Variants in SEC23A observed in about 807,000 individuals in gnomAD.
SEC23A encodes the protein protein transport protein Sec23A.
Under a neutral mutation model 103.7 loss-of-function variants are expected in SEC23A, and 56 were observed. That is an observed-to-expected ratio of 0.54 (90% CI 0.44 to 0.67). SEC23A has a LOEUF of 0.67. SEC23A is among the 30% of genes least tolerant of loss of function. The pLI is 0.00. For synonymous variants in SEC23A, 281 were observed against 293.0 expected, an observed-to-expected ratio of 0.96 and a Z score of 0.42; for missense variants, 784 against 936.4, an observed-to-expected ratio of 0.84 and a Z score of 2.12.
At chr14:39,043,683 G>A (rs1447616253) in intron 16 of SEC23A, among the ~76,000 whole-genome samples, 2 of 152,158 alleles carry the variant, frequency 1.3e-5, no homozygotes, top group African/African-American at 2.4e-5. Context: ...GTCTGAAAGG[G>A]AAAAGCTAGC....
chr14:39,101,573 A>G (rs1888097119), intron 1 of SEC23A, among the ~76,000 whole-genome samples: 1 of 152,008 alleles, frequency 6.6e-6, no homozygotes, highest in South Asian at 2.1e-4. Flanking sequence ...CAGTGAGCCG[A>G]AATCGTTCCA....
intron 12 of SEC23A, 73 bp downstream of exon 12, chr14:39,063,251 A>T: frequency 2.6e-4 from 191 of 731,608 alleles, no homozygotes; most frequent in Non-Finnish European, 4.5e-4. Context: ...AATATGAACT[A>T]TTCATGGCCT....
chr14:39,093,179 TTTC>T lies in SEC23A; in HGVS notation c.279+5_279+7del. ...ACTGCGCCCGGCATGCAATGGATGTTTTCTTACCTGATTCCTTTGGTAACAAAA... is the reference window on the plus strand; with the variant it reads ...ACTGCGCCCGGCATGCAATGGATGTTTTACCTGATTCCTTTGGTAACAAAA... On this transcript the variant is annotated splice_donor_5th_base_variant and intron_variant, in intron 3 of 19. Transcript: ENST00000307712. 1 of 1,612,510 alleles carries T rather than the reference TTTC, an allele frequency of 6.2e-7. No individual in the cohort carries two copies. The highest frequency in any genetic ancestry group is 8.5e-7 in the Non-Finnish European group (1 of 1,179,586).
intron 9 of SEC23A, among the ~76,000 whole-genome samples, chr14:39,071,112 G>C (rs916333109): frequency 6.6e-6 from 1 of 152,146 alleles, no homozygotes; most frequent in Non-Finnish European, 1.5e-5. Context: ...TTTTAATCCT[G>C]TACTGGACAT....
intron 17 of SEC23A, among the ~76,000 whole-genome samples, chr14:39,041,945 A>C (rs762949653): frequency 4.6e-5 from 7 of 152,036 alleles, no homozygotes; most frequent in Admixed American, 1.3e-4. Context: ...ATTACAGTAC[A>C]AATCTTTTCT....
intron 16 of SEC23A, among the ~76,000 whole-genome samples, chr14:39,044,013 T>C (rs555325254): frequency 1.3e-5 from 2 of 151,904 alleles, no homozygotes; most frequent in South Asian, 2.1e-4. Context: ...GCGTGGGTCA[T>C]GGTGGGGGTG....
chr14:39,067,629 T>C (rs1886714220), intron 9 of SEC23A, among the ~76,000 whole-genome samples: 1 of 151,618 alleles, frequency 6.6e-6, no homozygotes, highest in African/African-American at 2.4e-5. Context: ...GTTCTCCATA[T>C]TGGTAAAGGT....
At chr14:39,088,013 G>T (rs1365671378) in intron 5 of SEC23A, 3 of 151,960 alleles carry the variant, frequency 2.0e-5, no homozygotes, top group East Asian at 3.9e-4. Context: ...GCTCTATAAG[G>T]GTTTACACCA....
intron 1 of SEC23A, among the ~76,000 whole-genome samples, chr14:39,099,453 C>T (rs1240307940): frequency 6.6e-6 from 1 of 152,066 alleles, no homozygotes; most frequent in Non-Finnish European, 1.5e-5. Context: ...GCACCGCTCC[C>T]CGCCATTAAA....
In SEC23A at chr14:39,094,426, ATATATATATATATATATTTTT is replaced by A. The variant is rs1887805370; in HGVS notation, c.222-1203_222-1183del. Reference sequence around the variant, plus strand: ...TATATATATATATATATATATATATATATATATATATATATATTTTTTTTTTTTTTTTTTCCCCTCCTGTAG... The same window carrying A: ...TATATATATATATATATATATATATATTTTTTTTTTTTTCCCCTCCTGTAG... On this transcript the variant is annotated intron_variant, in intron 2 of 19. Coordinates refer to ENST00000307712, the MANE Select transcript of SEC23A (RefSeq NM_006364.4). Among the ~76,000 whole-genome samples the A allele has an allele frequency of 5.0e-4, 25 of 49,678 alleles. 5 individuals are homozygous for A. Among genetic ancestry groups the A allele is most frequent in the African/African-American group, 3.1e-3 (20 of 6,480 alleles). 32.6% of individuals were successfully genotyped at this position (49,678 alleles called of 152,430 possible).
At chr14:39,092,916 T>G in intron 3 of SEC23A, 1 of 492,744 alleles carries the variant, frequency 2.0e-6, no homozygotes, top group South Asian at 2.3e-5. Context: ...CAGGCTGGAG[T>G]AGAGTGGTGC....
chr14:39,089,610 C>G (rs997117919), intron 5 of SEC23A, among the ~76,000 whole-genome samples: 3 of 152,104 alleles, frequency 2.0e-5, no homozygotes, highest in African/African-American at 7.2e-5. Flanking sequence ...TCAGTTCTCT[C>G]TCAAATTCCC....
intron 10 of SEC23A, among the ~76,000 whole-genome samples, chr14:39,065,297 C>T (rs1210841251): frequency 1.3e-5 from 2 of 152,036 alleles, no homozygotes; most frequent in East Asian, 3.9e-4. Context: ...AATCTAAAAC[C>T]TTAGACACCC....
chr14:39,034,323 C>T (rs72671349), intron 19 of SEC23A, among the ~76,000 whole-genome samples: 14,021 of 152,214 alleles, frequency 0.092, 743 homozygotes, highest in African/African-American at 0.16. Flanking sequence ...CAGGACCTAT[C>T]TTACACAAGT....
Position 39,055,233 on chromosome 14 carries a change from G to A in SEC23A, c.1569C>T (p.Ala523=). 3 of 1,614,124 alleles carry A rather than the reference G, an allele frequency of 1.9e-6. No individual in the cohort carries two copies. Among genetic ancestry groups the A allele is most frequent in the Non-Finnish European group, 2.5e-6 (3 of 1,180,028 alleles). ...IAASFDQEAA[A]ILMARLAIYR... is the part of the protein sequence containing the mutation. ...ATATTGCTAGCCGGGCCATAAGAATGGCAGCTGCCTCCTGGTCAAAAGATG... is the reference window on the plus strand; with the variant it reads ...ATATTGCTAGCCGGGCCATAAGAATAGCAGCTGCCTCCTGGTCAAAAGATG... The change falls in exon 14 of 20, where the codon GCC becomes GCT. Residue 523 remains alanine (A), a synonymous_variant. Coordinates refer to ENST00000307712, the MANE Select transcript of SEC23A (RefSeq NM_006364.4).
intron 7 of SEC23A, among the ~76,000 whole-genome samples, chr14:39,082,344 T>C (rs185722918): frequency 1.2e-3 from 186 of 151,712 alleles, no homozygotes; most frequent in Non-Finnish European, 1.6e-3. Context: ...GTAGAAATGA[T>C]GGAATTAGAA....
At chr14:39,096,224 T>C (rs936880714) in intron 1 of SEC23A, 85 bp from the exon 2 acceptor site, 4 of 890,366 alleles carry the variant, frequency 4.5e-6, no homozygotes, top group African/African-American at 3.3e-5. Context: ...CATTCAGCAA[T>C]ATTAACACCT....
At chr14:39,095,834 G>T in intron 2 of SEC23A, 64 bp downstream of exon 2, 1 of 1,237,126 alleles carries the variant, frequency 8.1e-7, no homozygotes, top group Non-Finnish European at 1.2e-6. Flanking sequence ...ATAAAAATAT[G>T]CAGAAAAACC....
chr14:39,045,210 T>C lies in SEC23A; in HGVS notation c.1852A>G (p.Met618Val). The C allele has an allele frequency of 6.2e-7, 1 of 1,613,780 alleles. No homozygotes were observed. Among genetic ancestry groups the C allele is most frequent in the Non-Finnish European group, 8.5e-7 (1 of 1,179,812 alleles). ...MRQDLTQSLIMIQPILYAYSF... is the reference protein window; with the variant it reads ...MRQDLTQSLIVIQPILYAYSF... ...TACGCATACAGGATAGGCTGAATCATAATTAGAGACTGGGTCAGATCTTGA... is the reference window on the plus strand; with the variant it reads ...TACGCATACAGGATAGGCTGAATCACAATTAGAGACTGGGTCAGATCTTGA... Residue 618 changes from methionine to valine, a missense_variant, in exon 16 of 20, where the codon ATG (methionine) becomes GTG (valine). This residue lies in a region of SEC23A where 683 missense variants were observed against 774.2 expected (regional missense o/e 0.88). Coordinates refer to ENST00000307712, the MANE Select transcript of SEC23A (RefSeq NM_006364.4).
Sources: gnomAD v4.1 joint callset for allele counts (sites outside exome capture counted in the v4.1 genomes callset) on GRCh38, gnomAD v4.1.1 for gene constraint, gnomAD v4.1.1 regional missense constraint, MANE v1.5 for transcripts, NCBI Gene and HGNC (gene_info 2026-07-23, HGNC 2026-07-21) for gene names.